Variants in NRL observed in about 807,000 individuals in gnomAD.
The protein encoded by NRL is neural retina leucine zipper, also known as neural retina-specific leucine zipper protein.
In NRL, 16 loss-of-function variants were observed where a neutral mutation model predicts 12.5. That is an observed-to-expected ratio of 1.28 (90% confidence interval 0.87 to 1.95). The LOEUF is 1.95. Ranked by LOEUF, NRL falls within the 30% of genes most tolerant of loss-of-function variation. The pLI is 0.00. For synonymous variants in NRL, 142 were observed against 150.9 expected, an observed-to-expected ratio of 0.94 and a Z score of 0.43; for missense variants, 314 against 325.8, an observed-to-expected ratio of 0.96 and a Z score of 0.28.
At chr14:24,092,088 G>A (rs2036648351) in intron 1 of NRL, among the ~76,000 whole-genome samples, 1 of 152,196 alleles carries the variant, frequency 6.6e-6, no homozygotes, top group African/African-American at 2.4e-5. Flanking sequence ...GATTATGCAT[G>A]CAGAGTTGCT....
intron 1 of NRL, among the ~76,000 whole-genome samples, chr14:24,089,730 C>T (rs2036564497): frequency 6.6e-6 from 1 of 152,156 alleles, no homozygotes; most frequent in Non-Finnish European, 1.5e-5. Flanking sequence ...AATACAAAGC[C>T]AGAGGGGATG....
chr14:24,098,332 G>T (rs1268808152), intron 1 of NRL: 18 of 1,613,826 alleles, frequency 1.1e-5, no homozygotes, highest in Non-Finnish European at 1.4e-5. Flanking sequence ...GCAACTGGAT[G>T]TCCCCAGCTG....
chr14:24,109,921 TAAG>T (rs1335254186), intron 1 of NRL, among the ~76,000 whole-genome samples: 2 of 152,124 alleles, frequency 1.3e-5, no homozygotes, highest in African/African-American at 4.8e-5. Context: ...AACTAATTTG[TAAG>T]AAGAAGAGAA....
intron 1 of NRL, among the ~76,000 whole-genome samples, chr14:24,108,637 A>G (rs911344025): frequency 6.6e-6 from 1 of 152,040 alleles, no homozygotes; most frequent in African/African-American, 2.4e-5. Context: ...GGGCCACTAA[A>G]GGGTATTTAC....
chr14:24,106,760 AAAT>A lies in NRL; in HGVS notation c.-28+7959_-28+7961del, dbSNP rs1050136602. On this transcript the variant is annotated intron_variant, in intron 1 of 2. Transcript: ENST00000561028. ...TAAATAAATAAATTTAAAAATTTAAAAATAATAATAAAACACAGCCAAATCCTT... is the reference window on the plus strand; with the variant it reads ...TAAATAAATAAATTTAAAAATTTAAAAATAATAAAACACAGCCAAATCCTT... Among the ~76,000 whole-genome samples the A allele has an allele frequency of 6.1e-3, 923 of 152,040 alleles. 7 individuals carry two copies. The highest frequency in any genetic ancestry group is 0.021 in the African/African-American group (879 of 41,528).
intron 1 of NRL, chr14:24,093,456 G>A (rs571538437): frequency 1.3e-5 from 2 of 152,388 alleles, no homozygotes; most frequent in South Asian, 4.1e-4. Flanking sequence ...AAGGCAGGCG[G>A]ATCACGAGGT....
rs1594242157 is a variant in NRL, at chr14:24,079,660, G to A, written c.*1576C>T. On this transcript the variant is annotated 3_prime_UTR_variant, in exon 3 of 3. Coordinates refer to ENST00000561028, the MANE Select transcript of NRL (RefSeq NM_001354768.3). ...GCTGGGGAGGGGGTGGAGAGAGGGGGTAGAAAGGAAGAGGGACATATGGGA... is the reference window on the plus strand; with the variant it reads ...GCTGGGGAGGGGGTGGAGAGAGGGGATAGAAAGGAAGAGGGACATATGGGA... Among the ~76,000 whole-genome samples, 2 of 151,818 alleles carry A rather than the reference G, an allele frequency of 1.3e-5. No individual in the cohort carries two copies. The highest frequency in any genetic ancestry group is 4.2e-4 in the South Asian group (2 of 4,802).
At position 24,103,945 on chromosome 14, in the gene NRL, G is replaced by T. The variant is rs754301219; in HGVS notation, c.-28+10777C>A. ...TTGGCTGAGCTTGAGGCCCTGGAGA[G>T]ACGTGTGCACAAAATGTGACCTGAG... On this transcript the variant is annotated intron_variant, in intron 1 of 2. Transcript: ENST00000561028. The T allele has an allele frequency of 5.6e-6, 9 of 1,613,688 alleles. No homozygotes were observed. The East Asian group carries it at 2.0e-4, about 36-fold the overall frequency.
At position 24,082,458 on chromosome 14, in the gene NRL, G is replaced by A. The variant is rs2036341582; in HGVS notation, c.381+10C>T. 1 of 1,612,062 alleles carries A rather than the reference G, an allele frequency of 6.2e-7. No homozygotes were observed. The highest frequency in any genetic ancestry group is 8.5e-7 in the Non-Finnish European group (1 of 1,180,028). On this transcript the variant is annotated intron_variant, in intron 2 of 2. Coordinates refer to ENST00000561028, the MANE Select transcript of NRL (RefSeq NM_001354768.3). ...CTGCCTCCCCTCAGGCCAGCTTGCT[G>A]ACCACTCACCTGGACGTGCTGGGCT...
intron 1 of NRL, among the ~76,000 whole-genome samples, chr14:24,108,622 AC>A (rs1247578338): frequency 6.6e-6 from 1 of 151,434 alleles, no homozygotes; most frequent in East Asian, 1.9e-4. Flanking sequence ...GTGAGCCACT[AC>A]CCCGGGCCAC....
chr14:24,114,241 G>A (rs2037482352), intron 1 of NRL: 1 of 152,292 alleles, frequency 6.6e-6, no homozygotes, highest in African/African-American at 2.4e-5. Context: ...GCGGCGGAAA[G>A]CCAGGGATTG....
chr14:24,093,985 C>A, intron 1 of NRL: 1 of 511,626 alleles, frequency 2.0e-6, no homozygotes, highest in South Asian at 2.9e-5. Flanking sequence ...GCCCCTCGTT[C>A]CTAGCTTGTT....
At position 24,081,019 on chromosome 14, in the gene NRL, G is replaced by A. The variant is rs1273046923; in HGVS notation, c.*217C>T. 7.6e-6 allele frequency: 3 copies of A among 396,654 alleles called. No individual in the cohort carries two copies. The highest frequency in any genetic ancestry group is 4.5e-5 in the Admixed American group (1 of 22,062). The allele number at this position is 396,654 out of a possible 1,614,324, so 24.6% of individuals were successfully genotyped here. On this transcript the variant is annotated 3_prime_UTR_variant, in exon 3 of 3. Transcript: ENST00000561028. The surrounding 1 kb of genome is among the most constrained non-coding windows in gnomAD (Gnocchi z 4.4). ...CTAGTCATGTGGGCTGGGTTTCTGT[G>A]TTCGTAAGGGGAGGGGACCCCTCTC...
intron 1 of NRL, chr14:24,110,369 A>C: frequency 2.6e-6 from 1 of 384,474 alleles, no homozygotes; most frequent in Non-Finnish European, 5.4e-6. Context: ...TCAGCCTCTC[A>C]AAGTACTGGG....
In NRL at chr14:24,103,722, C is replaced by T. The variant is rs148751402; in HGVS notation, c.-28+11000G>A. The stretch of plus-strand genomic sequence containing the variant: ...TCGGGTGCTAGACTGGATCTGCCGG[C>T]GGTTAGAGGGGGAGGACAGTGCCCG... On this transcript the variant is annotated intron_variant, in intron 1 of 2. Coordinates refer to ENST00000561028, the MANE Select transcript of NRL (RefSeq NM_001354768.3). 115 of 1,613,972 alleles carry T rather than the reference C, an allele frequency of 7.1e-5. No individual in the cohort carries two copies. The highest frequency in any genetic ancestry group is 8.6e-5 in the Non-Finnish European group (101 of 1,180,004).
At chr14:24,082,181 G>C in intron 2 of NRL, 2 of 608,732 alleles carry the variant, frequency 3.3e-6, no homozygotes, top group Non-Finnish European at 4.1e-6. Context: ...TTTACCCCCC[G>C]GAGTCGCCCA....
At position 24,081,661 on chromosome 14, in the gene NRL, GC is replaced by G; in HGVS notation, c.382-94del. 1 of 1,532,300 alleles carries G rather than the reference GC, an allele frequency of 6.5e-7. No individual in the cohort carries two copies. The highest frequency in any genetic ancestry group is 8.8e-7 in the Non-Finnish European group (1 of 1,139,282). The allele number at this position is 1,532,300 out of a possible 1,614,324, so 94.9% of individuals were successfully genotyped here. A position where few individuals can be genotyped will look rare whatever the true frequency, so the allele number is the denominator to read the frequency against. ...CGCTACCTGGCTCCGCCCCGGGACA[GC>G]CCCGCCCCGGCTCCCACCTTCACCG... On this transcript the variant is annotated intron_variant, in intron 2 of 2. Transcript: ENST00000561028. The surrounding 1 kb of genome is among the most constrained non-coding windows in gnomAD (Gnocchi z 4.4).
chr14:24,113,326 TATGTAACTAACCTGCACAATGTGCAC>T (rs1306828813), intron 1 of NRL, among the ~76,000 whole-genome samples: 3 of 145,096 alleles, frequency 2.1e-5, no homozygotes, highest in African/African-American at 7.9e-5. Flanking sequence ...CATGTATACA[TATGTAACTAACCTGCACAATGTGCAC>T]ATGTACCCTA....
intron 1 of NRL, chr14:24,093,082 T>C (rs114855394): frequency 1.3e-5 from 2 of 152,376 alleles, no homozygotes; most frequent in African/African-American, 4.8e-5. Flanking sequence ...AACACAAAAG[T>C]TGGCTAAGCT....
Sources: gnomAD v4.1 joint callset for allele counts (sites outside exome capture counted in the v4.1 genomes callset) on GRCh38, gnomAD v4.1.1 for gene constraint, Gnocchi (gnomAD v3.1) non-coding constraint, MANE v1.5 for transcripts, NCBI Gene and HGNC (gene_info 2026-07-23, HGNC 2026-07-21) for gene names.